Variants in SHISA6 observed in about 807,000 individuals in gnomAD.
SHISA6 encodes shisa family member 6.
A neutral mutation model predicts 47.9 loss-of-function variants in SHISA6; 22 were observed. The ratio of observed to expected loss-of-function variants is 0.46; its 90% CI spans 0.33 to 0.66. The LOEUF (loss-of-function observed/expected upper bound fraction) is 0.66. Ranked by LOEUF, SHISA6 falls within the 30% of genes least tolerant of loss-of-function variation. The pLI, the probability that SHISA6 is intolerant of heterozygous loss-of-function variation, is 0.02. For missense variants in SHISA6, 680 were observed against 764.6 expected (o/e 0.89, Z 1.30); for synonymous variants, 388 against 337.8 (o/e 1.15, Z -1.63).
At chr17:11,330,676 CG>C (rs1440657121) in intron 2 of SHISA6, among the ~76,000 whole-genome samples, 42 of 152,056 alleles carry the variant, frequency 2.8e-4, no homozygotes, top group African/African-American at 9.2e-4. Context: ...ACAGAAAAAA[CG>C]TAAGTAAAAA....
At position 11,514,271 on chromosome 17, in the gene SHISA6, T is replaced by A. The variant is rs545997748; in HGVS notation, c.896-37625T>A. On this transcript the variant is annotated intron_variant, in intron 3 of 5. Transcript: ENST00000441885. ...TAACATGCTGACTTAATGTTTAAAT[T>A]TTTGTTTTGTTTTGTCTTCCCATGT... is the stretch of plus-strand genomic sequence containing the variant. Among the ~76,000 whole-genome samples, 33 of 152,284 alleles carry A rather than the reference T, an allele frequency of 2.2e-4. No individual in the cohort carries two copies. The South Asian group carries it at 5.4e-3, about 25-fold the overall frequency.
At chr17:11,289,441 T>C (rs1157338955) in intron 2 of SHISA6, 4 of 152,052 alleles carry the variant, frequency 2.6e-5, no homozygotes, top group Non-Finnish European at 5.9e-5. Flanking sequence ...GCAAAATGAA[T>C]TGGAAGTTTT....
rs1159591353 is a variant in SHISA6 at position 11,241,627 on chromosome 17, G to A, written c.205G>A (p.Glu69Lys). 6 of 1,339,224 alleles carry A rather than the reference G, an allele frequency of 4.5e-6. No individual in the cohort carries two copies. The highest frequency in any genetic ancestry group is 5.7e-6 in the Non-Finnish European group (6 of 1,056,096). 83.0% of individuals were successfully genotyped at this position (1,339,224 alleles called of 1,614,324 possible). A position where few individuals can be genotyped will look rare whatever the true frequency, so the allele number is the denominator to read the frequency against. The stretch of plus-strand genomic sequence containing the variant: ...CACCGCCCGGGCGCCCGGAATCCCG[G>A]AGGCGGGAAGCCGGCGGGGGCAGCC... ...NGTARAPGIPEAGSRRGQPAA... is the reference protein window; with the variant it reads ...NGTARAPGIPKAGSRRGQPAA... The change falls in exon 1 of 6, where the codon GAG becomes AAG. Residue 69 changes from glutamate to lysine, a missense_variant. This residue lies in a region of SHISA6 where 121 missense variants were observed against 90.5 expected (regional missense o/e 1.34). Coordinates refer to ENST00000441885, the MANE Select transcript of SHISA6 (RefSeq NM_207386.4). This position sits in a 1 kb window ranked among gnomAD's most constrained non-coding sequence, Gnocchi z 5.5.
chr17:11,405,667 T>C (rs963776100), intron 3 of SHISA6, among the ~76,000 whole-genome samples: 7 of 152,036 alleles, frequency 4.6e-5, no homozygotes, highest in African/African-American at 1.7e-4. Context: ...CCAGGCGTGG[T>C]GGCGGGTGCC....
chr17:11,270,968 T>G (rs1908622429), intron 2 of SHISA6, among the ~76,000 whole-genome samples: 1 of 152,224 alleles, frequency 6.6e-6, no homozygotes, highest in African/African-American at 2.4e-5. Flanking sequence ...TATAGCTGGT[T>G]GAACCAGGGT....
chr17:11,487,140 G>A (rs1916370399), intron 3 of SHISA6, among the ~76,000 whole-genome samples: 2 of 152,098 alleles, frequency 1.3e-5, no homozygotes, highest in South Asian at 4.1e-4. Flanking sequence ...GGAAACACAG[G>A]CACCCCTGTT....
At chr17:11,490,408 T>A (rs1310059672) in intron 3 of SHISA6, among the ~76,000 whole-genome samples, 1 of 151,854 alleles carries the variant, frequency 6.6e-6, no homozygotes, top group Non-Finnish European at 1.5e-5. Context: ...GGGACAGAAT[T>A]CTCCTGCCGA....
chr17:11,415,659 CACTT>C (rs1371922448), intron 3 of SHISA6, among the ~76,000 whole-genome samples: 2 of 152,206 alleles, frequency 1.3e-5, no homozygotes, highest in African/African-American at 4.8e-5. Context: ...TTCACAATGA[CACTT>C]ACGTCTATTA....
At chr17:11,444,972 A>G (rs552984400) in intron 3 of SHISA6, among the ~76,000 whole-genome samples, 4 of 152,332 alleles carry the variant, frequency 2.6e-5, no homozygotes, top group East Asian at 1.9e-4. Context: ...TACCATGCAG[A>G]TAAGTTATAT....
In SHISA6 at chr17:11,289,559, A is replaced by C. The variant is rs1213871037; in HGVS notation, c.799+26033A>C. 3 of 145,058 alleles carry C rather than the reference A, an allele frequency of 2.1e-5. 1 individual carries two copies. The highest frequency in any genetic ancestry group is 4.5e-5 in the Non-Finnish European group (3 of 66,560). The allele number at this position is 145,058 out of a possible 1,614,324, so 9.0% of individuals were successfully genotyped here. On this transcript the variant is annotated intron_variant, in intron 2 of 5. Coordinates refer to ENST00000441885, the MANE Select transcript of SHISA6 (RefSeq NM_207386.4). ...ATTGCCCTGGAAAAGAATCTTTTAA[A>C]ATATAAATATACATACAAATATATA...
chr17:11,370,793 T>C (rs1912609269), intron 2 of SHISA6, among the ~76,000 whole-genome samples: 1 of 152,202 alleles, frequency 6.6e-6, no homozygotes. Flanking sequence ...TATACTTCTT[T>C]AGTCCAGTGA....
intron 3 of SHISA6, among the ~76,000 whole-genome samples, chr17:11,472,193 C>A (rs1915950138): frequency 6.6e-6 from 1 of 152,094 alleles, no homozygotes; most frequent in South Asian, 2.1e-4. Context: ...AGTATGCAGT[C>A]TTTTCAGATT....
At chr17:11,556,536 A>G (rs1404235773) in intron 5 of SHISA6, among the ~76,000 whole-genome samples, 1 of 151,866 alleles carries the variant, frequency 6.6e-6, no homozygotes, top group Non-Finnish European at 1.5e-5. Flanking sequence ...TTCTCCTCCC[A>G]TTTTCCCAGG....
rs544169059 is a variant in SHISA6, at chr17:11,543,414, C to G, written c.896-8482C>G. 9.9e-5 allele frequency among the ~76,000 whole-genome samples: 15 copies of G among 152,138 alleles called. No individual in the cohort carries two copies. The South Asian group carries it at 2.9e-3, about 30-fold the overall frequency. The stretch of plus-strand genomic sequence containing the variant: ...ACACATATGCAATCCCTAGAAGAGC[C>G]ACTAAGAAAACAATTTTTAAAGTAT... On this transcript the variant is annotated intron_variant, in intron 3 of 5. Transcript: ENST00000441885.
chr17:11,506,330 C>T (rs2071498788), intron 3 of SHISA6, among the ~76,000 whole-genome samples: 1 of 152,118 alleles, frequency 6.6e-6, no homozygotes, highest in South Asian at 2.1e-4. Context: ...TTACTGTCTG[C>T]AATTACTTTG....
chr17:11,272,967 A>G (rs1375377059), intron 2 of SHISA6, among the ~76,000 whole-genome samples: 1 of 152,182 alleles, frequency 6.6e-6, no homozygotes, highest in Non-Finnish European at 1.5e-5. Context: ...CTTGTTGTAG[A>G]CACTCGTGCC....
At chr17:11,356,982 C>G (rs1912097027) in intron 2 of SHISA6, among the ~76,000 whole-genome samples, 1 of 151,748 alleles carries the variant, frequency 6.6e-6, no homozygotes, top group African/African-American at 2.4e-5. Context: ...ACCAGCCTGG[C>G]CAACATCGTG....
intron 1 of SHISA6, among the ~76,000 whole-genome samples, chr17:11,251,774 T>A (rs1907820110): frequency 6.6e-6 from 1 of 152,160 alleles, no homozygotes; most frequent in Non-Finnish European, 1.5e-5. Context: ...TCCCTGTGAT[T>A]CTCTGTTTCC....
chr17:11,265,036 T>C lies in SHISA6; in HGVS notation c.799+1510T>C, dbSNP rs7216976. 2.6e-3 allele frequency among the ~76,000 whole-genome samples: 396 copies of C among 152,272 alleles called. 3 individuals carry two copies. Among genetic ancestry groups the C allele is most frequent in the African/African-American group, 9.1e-3 (379 of 41,564 alleles). On this transcript the variant is annotated intron_variant, in intron 2 of 5. Transcript: ENST00000441885. ...AGATGCATTTTCAGCTTTAATACCA[T>C]AGGTCCTTAAAACAAGCAATAGAAG...
Sources: allele counts gnomAD v4.1 joint callset (sites outside exome capture counted in the v4.1 genomes callset), GRCh38; gene constraint gnomAD v4.1.1; regional missense constraint gnomAD v4.1.1; non-coding constraint Gnocchi (gnomAD v3.1); transcripts MANE v1.5; gene names NCBI Gene and HGNC (gene_info 2026-07-23, HGNC 2026-07-21).